The following PLCL1 variants were observed in gnomAD, a reference collection of about 807,000 sequenced individuals.
PLCL1 encodes the protein phospholipase C like 1 (inactive).
In PLCL1, 41 loss-of-function variants were observed where a neutral mutation model predicts 84.4. That is an observed-to-expected ratio of 0.49 (90% CI 0.38 to 0.63). The LOEUF (loss-of-function observed/expected upper bound fraction) is 0.63, where lower values mean the gene tolerates loss of function less well. PLCL1 is among the 30% of genes least tolerant of loss of function. The pLI, the probability that PLCL1 is intolerant of heterozygous loss-of-function variation, is 0.00. For synonymous variants in PLCL1, 490 were observed against 488.3 expected, an observed-to-expected ratio of 1.00 and a Z score of -0.05; for missense variants, 1,206 against 1,367.8, an observed-to-expected ratio of 0.88 and a Z score of 1.87.
intron 1 of PLCL1, among the ~76,000 whole-genome samples, chr2:198,023,565 C>T (rs1054539838): frequency 2.0e-5 from 3 of 152,060 alleles, no homozygotes; most frequent in Admixed American, 2.0e-4. Flanking sequence ...GAAAAAACAA[C>T]CCCATCAAAA....
At chr2:197,943,371 T>C (rs947295062) in intron 1 of PLCL1, among the ~76,000 whole-genome samples, 4 of 151,932 alleles carry the variant, frequency 2.6e-5, no homozygotes, top group Admixed American at 6.6e-5. Flanking sequence ...CACACACACA[T>C]ACATATTTCT....
At chr2:197,985,366 G>T (rs917952793) in intron 1 of PLCL1, among the ~76,000 whole-genome samples, 1 of 152,132 alleles carries the variant, frequency 6.6e-6, no homozygotes, top group Admixed American at 6.5e-5. Context: ...TTTTTAAAAG[G>T]ATGGCAGTAG....
chr2:197,924,824 C>G (rs765527341), intron 1 of PLCL1, among the ~76,000 whole-genome samples: 4 of 151,948 alleles, frequency 2.6e-5, no homozygotes, highest in Non-Finnish European at 4.4e-5. Flanking sequence ...GGTATTACAT[C>G]TAGAGTTTTT....
At chr2:197,943,703 T>C (rs1689213128) in intron 1 of PLCL1, among the ~76,000 whole-genome samples, 1 of 148,062 alleles carries the variant, frequency 6.8e-6, no homozygotes, top group African/African-American at 2.5e-5. Context: ...TGCACTGGAA[T>C]GTGTGGCTGC....
At chr2:197,947,462 G>T (rs920281365) in intron 1 of PLCL1, among the ~76,000 whole-genome samples, 11 of 151,992 alleles carry the variant, frequency 7.2e-5, no homozygotes, top group African/African-American at 2.7e-4. Context: ...AACCACTGGA[G>T]CTGGGCAGAG....
chr2:198,088,760 A>T, intron 2 of PLCL1, 98 bp from the exon 3 acceptor site: 2 of 795,584 alleles, frequency 2.5e-6, no homozygotes, highest in African/African-American at 1.7e-5. Flanking sequence ...GCCCTCTATT[A>T]TCTTTTAAAA....
intron 1 of PLCL1, among the ~76,000 whole-genome samples, chr2:197,975,821 CCAA>C (rs1016881020): frequency 4.6e-5 from 7 of 151,910 alleles, no homozygotes; most frequent in African/African-American, 7.3e-5. Context: ...TCACCCCCAT[CCAA>C]CAACAACAAC....
At position 197,853,518 on chromosome 2, in the gene PLCL1, C is replaced by G. The variant is rs562512470; in HGVS notation, c.240+48179C>G. On this transcript the variant is annotated intron_variant, in intron 1 of 5. Coordinates refer to ENST00000428675, the MANE Select transcript of PLCL1 (RefSeq NM_006226.4). ...TTATTTGTGAAACAGGAATAATCATCCTTAACTGGAAGAGGGCTATCAGGG... is the reference window on the plus strand; with the variant it reads ...TTATTTGTGAAACAGGAATAATCATGCTTAACTGGAAGAGGGCTATCAGGG... Among the ~76,000 whole-genome samples the G allele has an allele frequency of 5.3e-5, 8 of 152,282 alleles. 1 individual carries two copies. In the South Asian group the frequency reaches 1.7e-3, roughly 32 times the overall value.
At chr2:198,122,078 A>G (rs920403331) in intron 5 of PLCL1, among the ~76,000 whole-genome samples, 1 of 152,074 alleles carries the variant, frequency 6.6e-6, no homozygotes, top group Non-Finnish European at 1.5e-5. Context: ...TAGTGGCCCT[A>G]TTCTACATTC....
intron 1 of PLCL1, among the ~76,000 whole-genome samples, chr2:197,808,135 T>C (rs1309675600): frequency 6.6e-6 from 1 of 152,234 alleles, no homozygotes; most frequent in Non-Finnish European, 1.5e-5. Context: ...AAACTAAGTT[T>C]TTTTAAAATC....
chr2:197,969,598 C>G (rs1689819529), intron 1 of PLCL1, among the ~76,000 whole-genome samples: 1 of 152,124 alleles, frequency 6.6e-6, no homozygotes, highest in Non-Finnish European at 1.5e-5. Context: ...TTTCACATTG[C>G]TTGACTCATA....
chr2:198,128,910 G>A (rs1336077111), intron 5 of PLCL1, among the ~76,000 whole-genome samples: 1 of 152,112 alleles, frequency 6.6e-6, no homozygotes, highest in African/African-American at 2.4e-5. Flanking sequence ...CAGTTTCAAT[G>A]GTAAAAGGGA....
In PLCL1 at chr2:198,119,625, C is replaced by T. The variant is rs76057395; in HGVS notation, c.3105+15689C>T. Among the ~76,000 whole-genome samples, 871 of 151,962 alleles carry T rather than the reference C, an allele frequency of 5.7e-3. 5 individuals are homozygous for T. The highest frequency in any genetic ancestry group is 0.01 in the Non-Finnish European group (690 of 67,914). On this transcript the variant is annotated intron_variant, in intron 5 of 5. Transcript: ENST00000428675. ...TGCCTTTCCAGGGAAGCCTTCCCTG[C>T]TCTTGTCCCTCCATACCCCTCACCC...
intron 1 of PLCL1, among the ~76,000 whole-genome samples, chr2:197,930,553 G>T (rs760717337): frequency 6.6e-6 from 1 of 152,012 alleles, no homozygotes; most frequent in Non-Finnish European, 1.5e-5. Flanking sequence ...AAGAGGCCTC[G>T]TTTTCCTACT....
intron 1 of PLCL1, among the ~76,000 whole-genome samples, chr2:198,043,865 A>G (rs1431638298): frequency 7.0e-6 from 1 of 143,426 alleles, no homozygotes; most frequent in Non-Finnish European, 1.5e-5. Context: ...TTACAAGTAG[A>G]GATTTAATTC....
intron 1 of PLCL1, among the ~76,000 whole-genome samples, chr2:197,951,258 C>T (rs1041777452): frequency 6.6e-6 from 1 of 152,118 alleles, no homozygotes; most frequent in African/African-American, 2.4e-5. Flanking sequence ...GTCTGTGCAG[C>T]CCTTCCTCCA....
At chr2:197,823,765 C>A (rs1690866412) in intron 1 of PLCL1, among the ~76,000 whole-genome samples, 1 of 128,816 alleles carries the variant, frequency 7.8e-6, no homozygotes, top group Non-Finnish European at 1.6e-5. Flanking sequence ...AGAAAAATGC[C>A]CAGAAACTTT....
intron 5 of PLCL1, among the ~76,000 whole-genome samples, chr2:198,126,961 G>A (rs755619887): frequency 2.6e-5 from 4 of 151,242 alleles, no homozygotes; most frequent in Non-Finnish European, 4.4e-5. Context: ...AGGGACGCTG[G>A]TTTTAGCTAG....
intron 1 of PLCL1, among the ~76,000 whole-genome samples, chr2:198,019,780 A>T (rs1038804155): frequency 3.9e-5 from 6 of 152,264 alleles, no homozygotes; most frequent in Admixed American, 2.0e-4. Context: ...TCTGAAAGTG[A>T]CAAGGAGAAT....
Sources: gnomAD v4.1 joint callset for allele counts (sites outside exome capture counted in the v4.1 genomes callset) on GRCh38, gnomAD v4.1.1 for gene constraint, MANE v1.5 for transcripts, NCBI Gene and HGNC (gene_info 2026-07-23, HGNC 2026-07-21) for gene names.